Variants in POLR2E observed in about 807,000 individuals in gnomAD.
POLR2E encodes DNA-directed RNA polymerases I, II, and III subunit RPABC1.
Under a neutral mutation model 29.8 loss-of-function variants are expected in POLR2E, and 35 were observed. The ratio of observed to expected loss-of-function variants is 1.17; its 90% CI spans 0.90 to 1.55. POLR2E has a LOEUF of 1.55. POLR2E is among the 40% of genes most tolerant of loss of function. POLR2E has a pLI of 0.00. For missense variants in POLR2E, 287 were observed against 288.6 expected, an observed-to-expected ratio of 0.99 and a Z score of 0.04; for synonymous variants, 174 against 112.6, an observed-to-expected ratio of 1.55 and a Z score of -3.45.
chr19:1,089,795 GGA>G, intron 6 of POLR2E, 87 bp downstream of exon 6: 1 of 1,084,648 alleles, frequency 9.2e-7, no homozygotes, highest in East Asian at 2.4e-5. Flanking sequence ...GGATCAAGGG[GGA>G]GGGGCTGTCG....
At chr19:1,093,304 T>G (rs2043876566) in intron 2 of POLR2E, among the ~76,000 whole-genome samples, 1 of 152,214 alleles carries the variant, frequency 6.6e-6, no homozygotes, top group African/African-American at 2.4e-5. Flanking sequence ...CCTAAGGCGC[T>G]TGCAATCCCC....
intron 2 of POLR2E, chr19:1,093,669 C>G (rs72975521): frequency 0.21 from 252,909 of 1,207,612 alleles, 28,582 homozygotes; most frequent in African/African-American, 0.37. Flanking sequence ...TGACTCTCCT[C>G]GTTGGCAGGA....
chr19:1,090,199 G>A, intron 4 of POLR2E, 54 bp from the exon 5 acceptor site: 1 of 1,515,972 alleles, frequency 6.6e-7, no homozygotes, highest in Non-Finnish European at 9.1e-7. Flanking sequence ...GACCCCACGT[G>A]GCTCCCAGGT....
Position 1,093,853 on chromosome 19 carries a change from G to C in POLR2E, c.232+51C>G, listed in dbSNP as rs763772386. The C allele has an allele frequency of 4.6e-6, 7 of 1,509,282 alleles. No individual in the cohort carries two copies. The South Asian group carries it at 6.6e-5, about 14-fold the overall frequency. The allele number at this position is 1,509,282 out of a possible 1,614,324, so 93.5% of individuals were successfully genotyped here. On this transcript the variant is annotated intron_variant, in intron 2 of 7. Transcript: ENST00000615234. ...GGTGGGTGCTAGCGACCGGCTCCTC[G>C]GCAGGTGCTCTGGTGGCTTCACCGG...
intron 7 of POLR2E, among the ~76,000 whole-genome samples, chr19:1,088,955 G>T (rs2043769238): frequency 6.6e-6 from 1 of 152,148 alleles, no homozygotes; most frequent in Admixed American, 6.5e-5. Flanking sequence ...CCTGGGCTGA[G>T]TGTGAAGTGG....
chr19:1,089,904 A>G lies in POLR2E; in HGVS notation c.547T>C (p.Phe183Leu). 1 of 1,612,488 alleles carries G rather than the reference A, an allele frequency of 6.2e-7. No individual in the cohort carries two copies. Among genetic ancestry groups the G allele is most frequent in the South Asian group, 1.1e-5 (1 of 91,038 alleles). The change falls in exon 6 of 8, where the codon TTT (phenylalanine) becomes CTT (leucine). Residue 183 changes from phenylalanine (F) to leucine (L), a missense_variant. Physicochemically the swap from Phe to Leu is conservative, Grantham distance 22 (BLOSUM62 0). Transcript: ENST00000615234. ...IQAGDPVARY[F>L]GIKRGQVVKI... ...CTCACCTGCCCACGCTTTATCCCAA[A>G]GTAGCGCGCCACAGGGTCCCCCGCC...
chr19:1,093,587 G>A (rs931839379), intron 2 of POLR2E: 4 of 374,798 alleles, frequency 1.1e-5, no homozygotes, highest in Non-Finnish European at 1.7e-5. Context: ...GCACCCAACG[G>A]CCAGGATGGG....
chr19:1,093,238 G>A (rs1201600567), intron 2 of POLR2E, among the ~76,000 whole-genome samples: 1 of 152,130 alleles, frequency 6.6e-6, no homozygotes, highest in Non-Finnish European at 1.5e-5. Context: ...CACCAGGTCC[G>A]GTTGGCAGAC....
intron 2 of POLR2E, chr19:1,092,199 G>A (rs2043848082): frequency 2.7e-6 from 1 of 366,118 alleles, no homozygotes; most frequent in African/African-American, 2.1e-5. Flanking sequence ...TCCCACCCTG[G>A]GCAGTTCTGG....
intron 2 of POLR2E, chr19:1,093,677 G>A (rs2043885645): frequency 4.8e-6 from 6 of 1,253,172 alleles, no homozygotes; most frequent in African/African-American, 3.1e-5. Flanking sequence ...CTCGTTGGCA[G>A]GAAGAGAGAA....
At chr19:1,094,100 T>A in intron 1 of POLR2E, 22 bp from the exon 2 acceptor site, 2 of 1,596,300 alleles carry the variant, frequency 1.3e-6, no homozygotes, top group African/African-American at 1.3e-5. Context: ...AAGAACCAGC[T>A]GACCCCAGGG....
rs757134695 is a variant in POLR2E, at chr19:1,095,219, GCCGCCCGCGCCC to G, written c.57+28_57+39del. 1.2e-4 allele frequency: 192 copies of G among 1,605,106 alleles called. No individual in the cohort carries two copies. In the African/African-American group the frequency reaches 2.1e-3, roughly 18 times the overall value. Reference sequence around the variant, plus strand: ...GACCCCACCTCGGGCCCCTACACCCGCCGCCCGCGCCCCCGCCCCCAACACCAGGCGCGGCTC... The same window carrying G: ...GACCCCACCTCGGGCCCCTACACCCGCCGCCCCCAACACCAGGCGCGGCTC... On this transcript the variant is annotated intron_variant, in intron 1 of 7. Coordinates refer to ENST00000615234, the MANE Select transcript of POLR2E (RefSeq NM_002695.5).
chr19:1,091,389 G>A (rs2145139243), intron 3 of POLR2E: 2 of 365,490 alleles, frequency 5.5e-6, no homozygotes. Context: ...GCTCCAGAGT[G>A]TCCGACAGAC....
In POLR2E at chr19:1,088,478, C is replaced by T. The variant is rs979316036; in HGVS notation, c.*257G>A. ...GTGAAGACCCGGCACCAGCTGCCCCCAGGTGACCTCCCTCTGGGGGCCTTG... is the reference window on the plus strand; with the variant it reads ...GTGAAGACCCGGCACCAGCTGCCCCTAGGTGACCTCCCTCTGGGGGCCTTG... On this transcript the variant is annotated 3_prime_UTR_variant, in exon 8 of 8. Coordinates refer to ENST00000615234, the MANE Select transcript of POLR2E (RefSeq NM_002695.5). 4 of 152,302 alleles carry T rather than the reference C, an allele frequency of 2.6e-5. No individual in the cohort carries two copies. Among genetic ancestry groups the T allele is most frequent in the Non-Finnish European group, 4.4e-5 (3 of 68,090 alleles). 9.4% of individuals were successfully genotyped at this position (152,302 alleles called of 1,614,324 possible).
intron 2 of POLR2E, among the ~76,000 whole-genome samples, chr19:1,092,508 T>C (rs997121019): frequency 4.6e-5 from 7 of 151,706 alleles, no homozygotes; most frequent in East Asian, 1.9e-4. Context: ...GAGACCACCC[T>C]GGCTAACAAG....
At chr19:1,092,244 A>G (rs2043849020) in intron 2 of POLR2E, 1 of 263,008 alleles carries the variant, frequency 3.8e-6, no homozygotes. Context: ...CTCTCCAACA[A>G]GCAGACCTCA....
chr19:1,089,780 G>T (rs1019162438), intron 6 of POLR2E, 104 bp downstream of exon 6: 2 of 970,018 alleles, frequency 2.1e-6, no homozygotes, highest in South Asian at 2.9e-5. Flanking sequence ...TCCCCTCCAG[G>T]CCCTGGATCA....
intron 2 of POLR2E, chr19:1,093,626 ATGGG>A: frequency 2.9e-6 from 2 of 687,622 alleles, no homozygotes; most frequent in Non-Finnish European, 4.2e-6. Flanking sequence ...GGCAAAGGAC[ATGGG>A]GGGCTGGGGG....
In POLR2E at chr19:1,093,425, G is replaced by A. The variant is rs183725033; in HGVS notation, c.232+479C>T. Among the ~76,000 whole-genome samples the A allele has an allele frequency of 1.8e-3, 267 of 151,848 alleles. 2 individuals carry two copies. Among genetic ancestry groups the A allele is most frequent in the African/African-American group, 6.3e-3 (261 of 41,470 alleles). On this transcript the variant is annotated intron_variant, in intron 2 of 7. Coordinates refer to ENST00000615234, the MANE Select transcript of POLR2E (RefSeq NM_002695.5). Reference sequence around the variant, plus strand: ...AGGGGTCCTGGGAAAAGAGGCCCGAGCACAAGCTCGAGGGACGAGTACCGG... The same window carrying A: ...AGGGGTCCTGGGAAAAGAGGCCCGAACACAAGCTCGAGGGACGAGTACCGG...
Sources: gnomAD v4.1 joint callset for allele counts (sites outside exome capture counted in the v4.1 genomes callset) on GRCh38, gnomAD v4.1.1 for gene constraint, MANE v1.5 for transcripts, NCBI Gene and HGNC (gene_info 2026-07-23, HGNC 2026-07-21) for gene names.